SLC16A7: variants seen among roughly 807,000 people sequenced by gnomAD.
The protein encoded by SLC16A7 is solute carrier family 16 member 7, also known as monocarboxylate transporter 2.
Under a neutral mutation model 34.9 loss-of-function variants are expected in SLC16A7, and 33 were observed. The ratio of observed to expected loss-of-function variants is 0.94; its 90% CI spans 0.72 to 1.26. The LOEUF (loss-of-function observed/expected upper bound fraction) is 1.26. Among genes scored for constraint, SLC16A7 ranks in the 50% most tolerant of loss-of-function variants. SLC16A7 has a pLI of 0.00. For missense variants in SLC16A7, 573 were observed against 578.1 expected (o/e 0.99, Z 0.09); for synonymous variants, 201 against 206.6 (o/e 0.97, Z 0.23).
intron 3 of SLC16A7, among the ~76,000 whole-genome samples, chr12:59,766,346 G>A (rs527840608): frequency 6.6e-6 from 1 of 152,160 alleles, no homozygotes; most frequent in African/African-American, 2.4e-5. Flanking sequence ...TGATTGCCCT[G>A]GCCAGAACTT....
chr12:59,667,589 T>G (rs1474955154), intron 2 of SLC16A7, among the ~76,000 whole-genome samples: 1 of 152,086 alleles, frequency 6.6e-6, no homozygotes, highest in Non-Finnish European at 1.5e-5. Context: ...AAGTTCTAAG[T>G]GCCAAAGTGT....
At chr12:59,735,769 T>G (rs1221357275) in intron 3 of SLC16A7, among the ~76,000 whole-genome samples, 2 of 152,166 alleles carry the variant, frequency 1.3e-5, no homozygotes, top group African/African-American at 4.8e-5. Context: ...TTTTGAACAC[T>G]TTATTAATAT....
At chr12:59,756,414 A>G (rs1880351751) in intron 3 of SLC16A7, among the ~76,000 whole-genome samples, 1 of 152,020 alleles carries the variant, frequency 6.6e-6, no homozygotes, top group African/African-American at 2.4e-5. Flanking sequence ...ATACAAGAGA[A>G]AAACAAACAA....
chr12:59,774,613 T>A (rs764956978), intron 4 of SLC16A7, 44 bp from the exon 5 acceptor site: 2 of 1,255,700 alleles, frequency 1.6e-6, no homozygotes, highest in Non-Finnish European at 1.1e-6. Flanking sequence ...GTGAGTGCCA[T>A]AATGTGTTTG....
intron 2 of SLC16A7, among the ~76,000 whole-genome samples, chr12:59,664,239 A>G (rs17122803): frequency 0.024 from 3,646 of 152,218 alleles, 139 homozygotes; most frequent in African/African-American, 0.077. Flanking sequence ...CTAGAATATG[A>G]GAAGCATTTA....
Position 59,713,005 on chromosome 12 carries a change from T to C in SLC16A7, c.217+7987T>C, listed in dbSNP as rs542456454. On this transcript the variant is annotated intron_variant, in intron 3 of 5. Transcript: ENST00000547379. Reference sequence around the variant, plus strand: ...TTTCTATGGATGTTTTCTTTTCTTTTCTTTTCTTTTTTTTTCTTTTCTTTT... The same window carrying C: ...TTTCTATGGATGTTTTCTTTTCTTTCCTTTTCTTTTTTTTTCTTTTCTTTT... Among the ~76,000 whole-genome samples the C allele has an allele frequency of 8.5e-5, 13 of 152,178 alleles. No individual in the cohort carries two copies. The East Asian group carries it at 2.1e-3, about 25-fold the overall frequency.
chr12:59,754,973 A>T (rs1880121314), intron 3 of SLC16A7, among the ~76,000 whole-genome samples: 2 of 152,232 alleles, frequency 1.3e-5, no homozygotes, highest in African/African-American at 4.8e-5. Flanking sequence ...CAATAAATGT[A>T]ATCCAGCATA....
intron 1 of SLC16A7, among the ~76,000 whole-genome samples, chr12:59,642,073 A>G (rs1179179338): frequency 6.6e-6 from 1 of 152,082 alleles, no homozygotes; most frequent in East Asian, 1.9e-4. Context: ...TTTAAACACA[A>G]TCTAAATTAA....
At chr12:59,631,870 G>A (rs1880198706) in intron 1 of SLC16A7, among the ~76,000 whole-genome samples, 1 of 151,894 alleles carries the variant, frequency 6.6e-6, no homozygotes, top group Admixed American at 6.6e-5. Flanking sequence ...ATAAAAGCAT[G>A]GTTCATGCCC....
intron 2 of SLC16A7, among the ~76,000 whole-genome samples, chr12:59,682,754 TAGG>T (rs1341687882): frequency 3.3e-5 from 5 of 152,120 alleles, no homozygotes; most frequent in Non-Finnish European, 5.9e-5. Context: ...AAAGCAAGTC[TAGG>T]AGTTCTATAT....
intron 2 of SLC16A7, among the ~76,000 whole-genome samples, chr12:59,662,607 T>C (rs191393152): frequency 2.0e-5 from 3 of 152,264 alleles, no homozygotes; most frequent in Non-Finnish European, 4.4e-5. Flanking sequence ...TTCTCAAAAG[T>C]GCATGTAGAA....
intron 2 of SLC16A7, among the ~76,000 whole-genome samples, chr12:59,692,316 A>G (rs1871760954): frequency 6.6e-6 from 1 of 151,934 alleles, no homozygotes; most frequent in South Asian, 2.1e-4. Context: ...CTTAATTTAT[A>G]CACTCTTTTG....
chr12:59,689,026 GT>G (rs1373981741), intron 2 of SLC16A7, among the ~76,000 whole-genome samples: 1 of 151,684 alleles, frequency 6.6e-6, no homozygotes, highest in Non-Finnish European at 1.5e-5. Flanking sequence ...CTATGTTTAT[GT>G]TTTTTTGACA....
At chr12:59,759,969 T>C (rs1880833102) in intron 3 of SLC16A7, among the ~76,000 whole-genome samples, 1 of 152,020 alleles carries the variant, frequency 6.6e-6, no homozygotes, top group Non-Finnish European at 1.5e-5. Flanking sequence ...TTCATGGCCA[T>C]AGAGAAAATA....
At chr12:59,674,347 C>T (rs1046216515) in intron 2 of SLC16A7, among the ~76,000 whole-genome samples, 7 of 152,204 alleles carry the variant, frequency 4.6e-5, no homozygotes, top group African/African-American at 1.7e-4. Context: ...GCACACTGGA[C>T]TTCTGCCACA....
intron 3 of SLC16A7, among the ~76,000 whole-genome samples, chr12:59,741,911 G>A (rs929992002): frequency 3.3e-5 from 5 of 152,150 alleles, no homozygotes; most frequent in African/African-American, 1.2e-4. Context: ...TTTGACTGAG[G>A]GGCATAAGGC....
intron 3 of SLC16A7, chr12:59,733,809 A>T (rs2706309): frequency 0.37 from 170,367 of 455,726 alleles, 34,651 homozygotes; most frequent in African/African-American, 0.63. Context: ...CTGAGCAACA[A>T]AACAACTCTT....
intron 1 of SLC16A7, among the ~76,000 whole-genome samples, chr12:59,626,463 A>G (rs184220896): frequency 2.0e-4 from 31 of 151,898 alleles, no homozygotes; most frequent in African/African-American, 7.0e-4. Flanking sequence ...TCATTAATCC[A>G]GTGAGGTGGA....
chr12:59,739,461 G>C (rs540692467), intron 3 of SLC16A7, among the ~76,000 whole-genome samples: 18 of 138,830 alleles, frequency 1.3e-4, no homozygotes, highest in African/African-American at 4.5e-4. Flanking sequence ...CATTTCGGTT[G>C]GTTCCAAGTC....
Sources: allele counts gnomAD v4.1 joint callset (sites outside exome capture counted in the v4.1 genomes callset), GRCh38; gene constraint gnomAD v4.1.1; transcripts MANE v1.5; gene names NCBI Gene and HGNC (gene_info 2026-07-23, HGNC 2026-07-21).